CACNA2D1: variants seen among roughly 807,000 people sequenced by gnomAD.
CACNA2D1 encodes the protein voltage-dependent calcium channel subunit alpha-2/delta-1.
CACNA2D1 carries 53 observed loss-of-function variants against 171.5 expected under a neutral mutation model. The ratio of observed to expected loss-of-function variants is 0.31; its 90% CI spans 0.25 to 0.39. CACNA2D1 has a LOEUF of 0.39. CACNA2D1 is among the 10% of genes least tolerant of loss of function. The pLI, the probability that CACNA2D1 is intolerant of heterozygous loss-of-function variation, is 1.00. For synonymous variants in CACNA2D1, 442 were observed against 443.1 expected, an observed-to-expected ratio of 1.00 and a Z score of 0.03; for missense variants, 903 against 1,299.8, an observed-to-expected ratio of 0.69 and a Z score of 4.69.
chr7:82,323,990 TCATTTAGTGCTGACACTACTC>T (rs1194154999), intron 3 of CACNA2D1, among the ~76,000 whole-genome samples: 1 of 152,200 alleles, frequency 6.6e-6, no homozygotes. Flanking sequence ...GTTCAAATAC[TCATTTAGTGCTGACACTACTC>T]CATGGAATGT....
At chr7:82,138,195 T>C (rs1791902115) in intron 4 of CACNA2D1, among the ~76,000 whole-genome samples, 1 of 152,016 alleles carries the variant, frequency 6.6e-6, no homozygotes, top group South Asian at 2.1e-4. Flanking sequence ...TTGAGAAACA[T>C]ACCACGAGAC....
At chr7:82,396,574 T>A (rs564758440) in intron 1 of CACNA2D1, among the ~76,000 whole-genome samples, 20 of 152,220 alleles carry the variant, frequency 1.3e-4, no homozygotes, top group Non-Finnish European at 2.8e-4. Flanking sequence ...ACTAGCTACT[T>A]CTTTACGTCT....
At chr7:81,957,160 T>C (rs966038856) in intron 38 of CACNA2D1, among the ~76,000 whole-genome samples, 4 of 152,098 alleles carry the variant, frequency 2.6e-5, no homozygotes, top group Non-Finnish European at 5.9e-5. Flanking sequence ...CCTCTAAAAA[T>C]TGTCATTAGG....
At chr7:82,391,029 G>A (rs2129450592) in intron 1 of CACNA2D1, among the ~76,000 whole-genome samples, 1 of 151,970 alleles carries the variant, frequency 6.6e-6, no homozygotes, top group Non-Finnish European at 1.5e-5. Context: ...TGGAAAGGCA[G>A]AAAAAAAGGC....
At position 82,443,765 on chromosome 7, in the gene CACNA2D1, G is replaced by GCGCGCT. The variant is rs1167216306; in HGVS notation, c.-312_-307dup. 3 of 1,107,540 alleles carry GCGCGCT rather than the reference G, an allele frequency of 2.7e-6. No homozygotes were observed. The highest frequency in any genetic ancestry group is 3.2e-5 in the East Asian group (1 of 31,018). The allele number at this position is 1,107,540 out of a possible 1,614,324, so 68.6% of individuals were successfully genotyped here. ...GACCTCGGCGAGCCCGCCGGCGCTCGCGCGCTCTCGCTCTCCCTCTCGGTT... is the reference window on the plus strand; with the variant it reads ...GACCTCGGCGAGCCCGCCGGCGCTCGCGCGCTCGCGCTCTCGCTCTCCCTCTCGGTT... On this transcript the variant is annotated 5_prime_UTR_variant, in exon 1 of 39. Coordinates refer to ENST00000356860, the MANE Select transcript of CACNA2D1 (RefSeq NM_000722.4).
chr7:82,140,784 T>C (rs1377575410), intron 4 of CACNA2D1, among the ~76,000 whole-genome samples: 3 of 151,560 alleles, frequency 2.0e-5, no homozygotes, highest in Non-Finnish European at 4.4e-5. Flanking sequence ...TGAAATCCTG[T>C]CTCTACTAAA....
chr7:81,971,614 C>CA (rs1374083189), intron 26 of CACNA2D1, among the ~76,000 whole-genome samples, 163 bp downstream of exon 26: 1 of 151,606 alleles, frequency 6.6e-6, no homozygotes, highest in East Asian at 1.9e-4. Context: ...AAAACACCCA[C>CA]AACTGAAAAT....
chr7:82,073,526 C>T (rs1478497209), intron 7 of CACNA2D1, among the ~76,000 whole-genome samples: 1 of 152,060 alleles, frequency 6.6e-6, no homozygotes, highest in East Asian at 1.9e-4. Context: ...TACATAAAAA[C>T]AAAATTATCT....
intron 7 of CACNA2D1, among the ~76,000 whole-genome samples, chr7:82,069,933 G>A (rs1412329526): frequency 6.6e-6 from 1 of 151,854 alleles, no homozygotes; most frequent in Non-Finnish European, 1.5e-5. Flanking sequence ...AGTCACTCCT[G>A]GTCCTTTGCC....
intron 12 of CACNA2D1, among the ~76,000 whole-genome samples, chr7:82,015,763 T>A (rs978558678): frequency 6.6e-6 from 1 of 152,212 alleles, no homozygotes; most frequent in African/African-American, 2.4e-5. Context: ...TTTGTATCTT[T>A]TAACTGTTGC....
chr7:82,093,334 C>G (rs1563035750), intron 6 of CACNA2D1, among the ~76,000 whole-genome samples: 4 of 152,160 alleles, frequency 2.6e-5, no homozygotes, highest in African/African-American at 9.7e-5. Flanking sequence ...CTGCTCTCAT[C>G]ATTAATCATC....
intron 2 of CACNA2D1, among the ~76,000 whole-genome samples, chr7:82,337,712 CA>C (rs1818162860): frequency 6.6e-6 from 1 of 152,152 alleles, no homozygotes; most frequent in Non-Finnish European, 1.5e-5. Context: ...CAACTCTTCA[CA>C]TGCTGTGCAA....
At chr7:82,420,676 T>C (rs1191409187) in intron 1 of CACNA2D1, among the ~76,000 whole-genome samples, 1 of 152,190 alleles carries the variant, frequency 6.6e-6, no homozygotes, top group Non-Finnish European at 1.5e-5. Context: ...AAAGGAATAA[T>C]TGCTTTAAAT....
At chr7:82,306,601 C>T (rs1813766475) in intron 3 of CACNA2D1, among the ~76,000 whole-genome samples, 1 of 152,100 alleles carries the variant, frequency 6.6e-6, no homozygotes, top group Admixed American at 6.6e-5. Flanking sequence ...GCAGAAATAC[C>T]ATCCTTAACC....
chr7:82,013,382 T>C, intron 14 of CACNA2D1, 79 bp downstream of exon 14: 1 of 526,096 alleles, frequency 1.9e-6, no homozygotes, highest in Non-Finnish European at 3.0e-6. Context: ...GCTAATTTTC[T>C]CCATATTGAG....
intron 12 of CACNA2D1, among the ~76,000 whole-genome samples, chr7:82,016,054 G>T (rs533010568): frequency 7.2e-5 from 11 of 152,156 alleles, no homozygotes; most frequent in East Asian, 1.9e-4. Context: ...ACAGAAGTTG[G>T]TTTTTTTCTC....
intron 3 of CACNA2D1, among the ~76,000 whole-genome samples, chr7:82,312,563 G>A (rs1333188529): frequency 6.9e-6 from 1 of 145,890 alleles, no homozygotes; most frequent in Non-Finnish European, 1.5e-5. Flanking sequence ...CACCTAGGCT[G>A]GAATGTGCAG....
intron 29 of CACNA2D1, 111 bp downstream of exon 29, chr7:81,968,774 ATT>A: frequency 2.8e-6 from 2 of 715,136 alleles, no homozygotes; most frequent in Non-Finnish European, 5.1e-6. Context: ...GCATGCCTTT[ATT>A]TTGTTTGACA....
chr7:82,267,770 G>A (rs541497165), intron 3 of CACNA2D1, among the ~76,000 whole-genome samples: 18 of 152,216 alleles, frequency 1.2e-4, no homozygotes, highest in South Asian at 2.1e-4. Context: ...CGAGGTGGGC[G>A]GATCACGAGG....
Sources: allele counts gnomAD v4.1 joint callset (sites outside exome capture counted in the v4.1 genomes callset), GRCh38; gene constraint gnomAD v4.1.1; transcripts MANE v1.5; gene names NCBI Gene and HGNC (gene_info 2026-07-23, HGNC 2026-07-21).